RGS12: variants seen among roughly 807,000 people sequenced by gnomAD.
The protein encoded by RGS12 is regulator of G protein signaling 12.
RGS12 carries 66 observed loss-of-function variants against 120.1 expected under a neutral mutation model. The ratio of observed to expected loss-of-function variants is 0.55; its 90% confidence interval spans 0.45 to 0.67. The LOEUF (loss-of-function observed/expected upper bound fraction) is 0.67. Ranked by LOEUF, RGS12 falls within the 30% of genes least tolerant of loss-of-function variation. The pLI is 0.00. For synonymous variants in RGS12, 827 were observed against 804.7 expected, an observed-to-expected ratio of 1.03 and a Z score of -0.47; for missense variants, 1,859 against 1,957.7, an observed-to-expected ratio of 0.95 and a Z score of 0.95.
intron 1 of RGS12, among the ~76,000 whole-genome samples, chr4:3,307,033 C>G (rs938037717): frequency 1.3e-5 from 2 of 152,180 alleles, no homozygotes; most frequent in Admixed American, 1.3e-4. Flanking sequence ...TCACATCACT[C>G]TCTTTTCTGA....
intron 3 of RGS12, among the ~76,000 whole-genome samples, chr4:3,354,898 GA>G (rs1345039907): frequency 3.3e-5 from 5 of 152,118 alleles, no homozygotes; most frequent in Non-Finnish European, 7.4e-5. Context: ...TAATGAAACA[GA>G]AAAATGACAA....
At chr4:3,298,332 G>A (rs1197125115) in intron 1 of RGS12, among the ~76,000 whole-genome samples, 4 of 151,980 alleles carry the variant, frequency 2.6e-5, no homozygotes, top group African/African-American at 9.7e-5. Context: ...TTCTCATCTT[G>A]TTGATCTCTT....
At chr4:3,330,076 C>G (rs1337324232) in intron 2 of RGS12, among the ~76,000 whole-genome samples, 1 of 152,190 alleles carries the variant, frequency 6.6e-6, no homozygotes, top group Non-Finnish European at 1.5e-5. Flanking sequence ...TGTGCTCTGG[C>G]CCAGATTTCA....
At chr4:3,338,726 C>T (rs963680054) in intron 2 of RGS12, among the ~76,000 whole-genome samples, 1 of 152,106 alleles carries the variant, frequency 6.6e-6, no homozygotes, top group Non-Finnish European at 1.5e-5. Context: ...GGAGATGGTG[C>T]CCTGGGGGCC....
chr4:3,415,645 G>T (rs552280407), intron 6 of RGS12, among the ~76,000 whole-genome samples: 2 of 152,332 alleles, frequency 1.3e-5, no homozygotes, highest in Non-Finnish European at 2.9e-5. Flanking sequence ...TCGTCTGCTC[G>T]CAATGCTCAG....
intron 4 of RGS12, among the ~76,000 whole-genome samples, chr4:3,387,076 C>G (rs146160686): frequency 6.6e-6 from 1 of 152,124 alleles, no homozygotes; most frequent in Non-Finnish European, 1.5e-5. Context: ...AGAGTTCCTC[C>G]GAAATATTCC....
intron 1 of RGS12, among the ~76,000 whole-genome samples, chr4:3,311,228 G>T (rs1387291494): frequency 1.3e-5 from 2 of 152,212 alleles, no homozygotes; most frequent in Non-Finnish European, 2.9e-5. Context: ...AGTGCGGACG[G>T]GTGCTGGCTT....
intron 3 of RGS12, among the ~76,000 whole-genome samples, chr4:3,357,349 A>G (rs1714991493): frequency 6.6e-6 from 1 of 152,096 alleles, no homozygotes; most frequent in Admixed American, 6.6e-5. Context: ...CTCTATTGAT[A>G]TTATCTTTGG....
chr4:3,413,355 G>A (rs1721964845), intron 4 of RGS12: 1 of 152,302 alleles, frequency 6.6e-6, no homozygotes. Flanking sequence ...GGTGTCCTGG[G>A]AGCGCGCTGT....
intron 4 of RGS12, among the ~76,000 whole-genome samples, chr4:3,409,394 G>C (rs560998594): frequency 3.3e-5 from 5 of 152,364 alleles, no homozygotes; most frequent in Admixed American, 2.0e-4. Context: ...TTATTGATTT[G>C]TGAGTCTTAG....
Position 3,430,534 on chromosome 4 carries a change from C to T in RGS12, c.3693C>T (p.Leu1231=), listed in dbSNP as rs562737097. Residue 1231 remains leucine (L), a synonymous_variant, in exon 17 of 18, where the codon CTC becomes CTT. Coordinates refer to ENST00000336727, the MANE Select transcript of RGS12 (RefSeq NM_001394154.1). The part of the protein sequence containing the change: ...RLPPGSTELT[L]PTPAAVAKGF... Reference sequence around the variant, plus strand: ...CTCCTGGTTCCACAGAACTCACCCTCCCCACTCCAGCTGCTGTGGCCAAGG... The same window carrying T: ...CTCCTGGTTCCACAGAACTCACCCTTCCCACTCCAGCTGCTGTGGCCAAGG... The T allele has an allele frequency of 4.3e-6, 7 of 1,613,320 alleles. No homozygotes were observed. In the South Asian group the frequency reaches 5.5e-5, roughly 13 times the overall value.
chr4:3,382,761 T>C (rs918028657), intron 3 of RGS12, among the ~76,000 whole-genome samples: 2 of 152,238 alleles, frequency 1.3e-5, no homozygotes, highest in Non-Finnish European at 2.9e-5. Flanking sequence ...AATCTCTGTT[T>C]AGCCTTCCTA....
At chr4:3,302,023 A>G (rs1278264542) in intron 1 of RGS12, among the ~76,000 whole-genome samples, 2 of 150,936 alleles carry the variant, frequency 1.3e-5, no homozygotes, top group East Asian at 3.9e-4. Context: ...TGGCAACTCC[A>G]TTTATAGTCT....
chr4:3,364,219 C>T (rs1420972699), intron 3 of RGS12, among the ~76,000 whole-genome samples: 4 of 152,182 alleles, frequency 2.6e-5, no homozygotes, highest in African/African-American at 9.7e-5. Context: ...TGGATGTCAC[C>T]ATCCGACACT....
intron 3 of RGS12, among the ~76,000 whole-genome samples, chr4:3,380,000 A>G (rs529098172): frequency 2.0e-5 from 3 of 152,374 alleles, no homozygotes; most frequent in Admixed American, 6.5e-5. Flanking sequence ...GTCCAAGTCC[A>G]AAGTCTTATC....
chr4:3,436,916 G>A (rs16844364), intron 17 of RGS12, among the ~76,000 whole-genome samples: 31,154 of 152,240 alleles, frequency 0.2, 3,591 homozygotes, highest in East Asian at 0.45. Context: ...AGGTTCACAG[G>A]TGGCCCAAGC....
chr4:3,392,318 G>A (rs931618174), intron 4 of RGS12, among the ~76,000 whole-genome samples: 2 of 152,190 alleles, frequency 1.3e-5, no homozygotes, highest in Non-Finnish European at 2.9e-5. Context: ...TGATTATGAT[G>A]AGTCTCAGGT....
chr4:3,298,498 G>T (rs768332487), intron 1 of RGS12, among the ~76,000 whole-genome samples: 1 of 152,132 alleles, frequency 6.6e-6, no homozygotes, highest in Non-Finnish European at 1.5e-5. Context: ...ACACAAGCAT[G>T]CACCCCCACA....
intron 1 of RGS12, among the ~76,000 whole-genome samples, chr4:3,298,808 T>C (rs73193354): frequency 1.3e-5 from 2 of 152,224 alleles, no homozygotes; most frequent in Admixed American, 1.3e-4. Flanking sequence ...ACAGTAGTTT[T>C]TATTTCTAGA....
Sources: gnomAD v4.1 joint callset for allele counts (sites outside exome capture counted in the v4.1 genomes callset) on GRCh38, gnomAD v4.1.1 for gene constraint, MANE v1.5 for transcripts, NCBI Gene and HGNC (gene_info 2026-07-23, HGNC 2026-07-21) for gene names.